FAM169A: variants seen among roughly 807,000 people sequenced by gnomAD.
FAM169A encodes family with sequence similarity 169 member A.
Under a neutral mutation model 75.7 loss-of-function variants are expected in FAM169A, and 24 were observed. The observed-to-expected ratio is 0.32, with a 90% CI of 0.23 to 0.45. The LOEUF (loss-of-function observed/expected upper bound fraction) is 0.45, where lower values mean the gene tolerates loss of function less well. Among genes scored for constraint, FAM169A ranks in the 20% least tolerant of loss-of-function variants. FAM169A has a pLI of 1.00. For missense variants in FAM169A, 673 were observed against 784.0 expected, an observed-to-expected ratio of 0.86 and a Z score of 1.69; for synonymous variants, 271 against 271.0, an observed-to-expected ratio of 1.00 and a Z score of 0.00.
At chr5:74,846,792 G>A (rs1341694661) in intron 1 of FAM169A, among the ~76,000 whole-genome samples, 2 of 152,062 alleles carry the variant, frequency 1.3e-5, no homozygotes, top group African/African-American at 4.8e-5. Flanking sequence ...CAAACTCCTG[G>A]GTTCAAGCAA....
intron 9 of FAM169A, among the ~76,000 whole-genome samples, chr5:74,801,382 G>A (rs1451050677): frequency 6.6e-6 from 1 of 152,138 alleles, no homozygotes; most frequent in African/African-American, 2.4e-5. Flanking sequence ...AGGAAACAAG[G>A]AAGAGAGAGG....
chr5:74,789,971 TG>T (rs1359904107), intron 11 of FAM169A, among the ~76,000 whole-genome samples: 1 of 152,226 alleles, frequency 6.6e-6, no homozygotes, highest in Non-Finnish European at 1.5e-5. Flanking sequence ...TATCATGAAC[TG>T]GGTGCTTTCT....
In FAM169A at chr5:74,839,018, CCCA is replaced by C. The variant is rs1748713350; in HGVS notation, c.262_264del (p.Trp88del). 6.2e-7 allele frequency: 1 copy of C among 1,613,582 alleles called. No individual in the cohort carries two copies. Among genetic ancestry groups the C allele is most frequent in the African/African-American group, 1.3e-5 (1 of 74,872 alleles). ...GATGTTTTCACAATATCATCAATAG[CCCA>C]CCACTGATCAGCAAGGTAAAGTGCC... On this transcript the variant is annotated inframe_deletion, in exon 4 of 13. Transcript: ENST00000687041.
chr5:74,837,645 T>G (rs1010893381), intron 4 of FAM169A, among the ~76,000 whole-genome samples: 1 of 152,112 alleles, frequency 6.6e-6, no homozygotes, highest in Non-Finnish European at 1.5e-5. Context: ...TGAATTGGAG[T>G]AACAGGATCA....
chr5:74,856,104 T>A (rs759210528), intron 1 of FAM169A, among the ~76,000 whole-genome samples: 3 of 152,202 alleles, frequency 2.0e-5, no homozygotes, highest in Non-Finnish European at 4.4e-5. Context: ...ATGCGCAGAT[T>A]TATTTCTGGG....
At chr5:74,836,152 G>A (rs1186091013) in intron 4 of FAM169A, among the ~76,000 whole-genome samples, 2 of 152,164 alleles carry the variant, frequency 1.3e-5, no homozygotes, top group East Asian at 3.9e-4. Context: ...TATAAACAAA[G>A]TTTTTATTAG....
At chr5:74,859,287 C>CTTT (rs1020109342) in intron 1 of FAM169A, among the ~76,000 whole-genome samples, 15 of 129,060 alleles carry the variant, frequency 1.2e-4, no homozygotes, top group South Asian at 2.6e-4. Flanking sequence ...AAGGTTTTCT[C>CTTT]TTTTTTTTTT....
intron 11 of FAM169A, among the ~76,000 whole-genome samples, chr5:74,788,238 G>A (rs1374249101): frequency 6.6e-6 from 1 of 152,200 alleles, no homozygotes. Flanking sequence ...AGTCGGTCCA[G>A]TGGGTCCCCG....
At position 74,801,017 on chromosome 5, in the gene FAM169A, T is replaced by C; in HGVS notation, c.966A>G (p.Thr322=). Residue 322 remains threonine, a synonymous_variant, in exon 10 of 13, where the codon ACA becomes ACG. Transcript: ENST00000687041. The part of the protein sequence containing the change: ...FASTSEGHDK[T]SVSTHTRSGN... Reference sequence around the variant, plus strand: ...CACTTCGAGTATGAGTGGAAACAGATGTTTTATCATGACCTGAGGAGAAAA... The same window carrying C: ...CACTTCGAGTATGAGTGGAAACAGACGTTTTATCATGACCTGAGGAGAAAA... 6.4e-7 allele frequency: 1 copy of C among 1,556,826 alleles called. No homozygotes were observed.
At chr5:74,813,801 C>T (rs1005520791) in intron 6 of FAM169A, 39 bp downstream of exon 6, 1 of 1,414,512 alleles carries the variant, frequency 7.1e-7, no homozygotes, top group Non-Finnish European at 9.4e-7. Flanking sequence ...GGAAGTGACA[C>T]AAAGACAAGT....
At chr5:74,795,750 T>C (rs1371806384) in intron 11 of FAM169A, among the ~76,000 whole-genome samples, 1 of 152,228 alleles carries the variant, frequency 6.6e-6, no homozygotes, top group Admixed American at 6.5e-5. Context: ...AATTAACTTA[T>C]ACTTTAAATG....
intron 1 of FAM169A, among the ~76,000 whole-genome samples, chr5:74,864,837 C>G (rs1489482861): frequency 1.3e-5 from 2 of 152,218 alleles, no homozygotes; most frequent in African/African-American, 4.8e-5. Context: ...GTGCCTCTCA[C>G]CATCTCATTC....
chr5:74,824,359 T>C (rs1747911116), intron 5 of FAM169A, among the ~76,000 whole-genome samples: 1 of 152,212 alleles, frequency 6.6e-6, no homozygotes, highest in Non-Finnish European at 1.5e-5. Context: ...CAAATTTGCA[T>C]CTTTATATAC....
intron 2 of FAM169A, 27 bp downstream of exon 2, chr5:74,841,518 G>C: frequency 6.5e-7 from 1 of 1,535,126 alleles, no homozygotes; most frequent in Non-Finnish European, 8.8e-7. Flanking sequence ...TGAAAAGATT[G>C]ATGACAATCA....
At chr5:74,840,985 G>A (rs1748836040) in intron 2 of FAM169A, among the ~76,000 whole-genome samples, 1 of 151,964 alleles carries the variant, frequency 6.6e-6, no homozygotes, top group South Asian at 2.1e-4. Flanking sequence ...AAAAATATTG[G>A]TGCTGGGGAA....
At position 74,796,085 on chromosome 5, in the gene FAM169A, T is replaced by A. The variant is rs775620517; in HGVS notation, c.1205A>T (p.Asp402Val). 1.1e-5 allele frequency: 18 copies of A among 1,614,032 alleles called. No individual in the cohort carries two copies. In the African/African-American group the frequency reaches 2.0e-4, roughly 18 times the overall value. ...CTGGGTTTCCAGTGCTGGCCGTGCA[T>A]CTCTATCACTGCTTTCATCCTCAAA... ...IEFEDESSDRDARPALETQPQ... is the reference protein window; with the variant it reads ...IEFEDESSDRVARPALETQPQ... The change falls in exon 11 of 13, where the codon GAT becomes GTT. Residue 402 changes from aspartate to valine, a missense_variant. This residue lies in a region of FAM169A where 510 missense variants were observed against 550.9 expected (regional missense o/e 0.93). Coordinates refer to ENST00000687041, the MANE Select transcript of FAM169A (RefSeq NM_001376049.1).
At chr5:74,850,903 T>C (rs1231546082) in intron 1 of FAM169A, among the ~76,000 whole-genome samples, 1 of 152,146 alleles carries the variant, frequency 6.6e-6, no homozygotes, top group African/African-American at 2.4e-5. Flanking sequence ...CCTACTTGCA[T>C]TAGTTTTTTG....
chr5:74,783,708 A>C (rs1580068657), intron 11 of FAM169A, among the ~76,000 whole-genome samples: 1 of 152,216 alleles, frequency 6.6e-6, no homozygotes, highest in African/African-American at 2.4e-5. Context: ...TGCTCCTTGC[A>C]TATCATTAAA....
chr5:74,782,879 A>G, intron 12 of FAM169A, 52 bp downstream of exon 12: 1 of 1,402,112 alleles, frequency 7.1e-7, no homozygotes, highest in East Asian at 2.3e-5. Flanking sequence ...CTCCTCGCTA[A>G]TGTCACCAAC....
Sources: gnomAD v4.1 joint callset for allele counts (sites outside exome capture counted in the v4.1 genomes callset) on GRCh38, gnomAD v4.1.1 for gene constraint, gnomAD v4.1.1 regional missense constraint, MANE v1.5 for transcripts, NCBI Gene and HGNC (gene_info 2026-07-23, HGNC 2026-07-21) for gene names.